Variants in KIF18A observed in about 807,000 individuals in gnomAD.
KIF18A encodes the protein kinesin family member 18A.
A neutral mutation model predicts 103.3 loss-of-function variants in KIF18A; 67 were observed. The ratio of observed to expected loss-of-function variants is 0.65; its 90% CI spans 0.53 to 0.79. The LOEUF is 0.79. Among genes scored for constraint, KIF18A ranks in the 30% least tolerant of loss-of-function variants. The pLI, the probability that KIF18A is intolerant of heterozygous loss-of-function variation, is 0.00. For missense variants in KIF18A, 1,032 were observed against 1,062.5 expected (o/e 0.97, Z 0.40); for synonymous variants, 367 against 355.5 (o/e 1.03, Z -0.36).
chr11:28,064,162 G>A (rs145302785), intron 11 of KIF18A, among the ~76,000 whole-genome samples: 446 of 151,146 alleles, frequency 3.0e-3, no homozygotes, highest in African/African-American at 0.01. Flanking sequence ...ATTAAAGTTA[G>A]GAGTTATTTA....
At chr11:28,025,730 C>T (rs1395507283) in intron 15 of KIF18A, among the ~76,000 whole-genome samples, 1 of 151,842 alleles carries the variant, frequency 6.6e-6, no homozygotes, top group African/African-American at 2.4e-5. Flanking sequence ...AACTGATGAG[C>T]GCAAGTTCAA....
chr11:28,104,770 T>C (rs529805188), intron 1 of KIF18A, among the ~76,000 whole-genome samples: 19 of 152,292 alleles, frequency 1.2e-4, no homozygotes. Flanking sequence ...ACCCAATAAA[T>C]ACTTGTTGAA....
intron 11 of KIF18A, among the ~76,000 whole-genome samples, chr11:28,065,309 C>T (rs1850904152): frequency 6.6e-6 from 1 of 151,916 alleles, no homozygotes; most frequent in African/African-American, 2.4e-5. Context: ...AGATAATTTT[C>T]TCAGCTATTT....
intron 13 of KIF18A, among the ~76,000 whole-genome samples, chr11:28,047,455 T>C (rs1211552249): frequency 1.3e-5 from 2 of 152,152 alleles, no homozygotes; most frequent in African/African-American, 2.4e-5. Flanking sequence ...AAAAGAGTGG[T>C]CCTAACTACT....
chr11:28,092,204 T>C (rs1289025547), intron 3 of KIF18A, among the ~76,000 whole-genome samples: 1 of 152,100 alleles, frequency 6.6e-6, no homozygotes. Flanking sequence ...TGGTTCTTAC[T>C]GTGGAAGATA....
intron 13 of KIF18A, among the ~76,000 whole-genome samples, chr11:28,043,077 A>T (rs1250854866): frequency 6.6e-6 from 1 of 151,946 alleles, no homozygotes; most frequent in Non-Finnish European, 1.5e-5. Flanking sequence ...AATGAGTGAG[A>T]CACAGCTATG....
At chr11:28,052,831 C>T (rs764648956) in intron 13 of KIF18A, among the ~76,000 whole-genome samples, 19 of 151,948 alleles carry the variant, frequency 1.3e-4, no homozygotes, top group Non-Finnish European at 2.4e-4. Context: ...AAAACCTACA[C>T]TTAAGATCTT....
chr11:28,090,548 A>C, intron 5 of KIF18A, 69 bp downstream of exon 5: 1 of 881,470 alleles, frequency 1.1e-6, no homozygotes, highest in Admixed American at 2.0e-5. Context: ...TATGAAAATG[A>C]TGATTCATGA....
chr11:28,091,547 T>TA (rs751823709), intron 3 of KIF18A, 34 bp from the exon 4 acceptor site: 25,874 of 896,204 alleles, frequency 0.029, 44 homozygotes, highest in South Asian at 0.096. Flanking sequence ...AGCATTGATG[T>TA]AAAAAAAAAA....
chr11:28,106,049 T>G (rs1164678278), intron 1 of KIF18A, among the ~76,000 whole-genome samples: 4 of 152,366 alleles, frequency 2.6e-5, no homozygotes, highest in Admixed American at 2.6e-4. Context: ...GATTCACCCC[T>G]AATTTTATGA....
chr11:28,073,273 G>A (rs373743732), intron 10 of KIF18A, among the ~76,000 whole-genome samples: 2 of 151,948 alleles, frequency 1.3e-5, no homozygotes, highest in Non-Finnish European at 2.9e-5. Context: ...ATTTCTACAC[G>A]TATTGTCCAA....
At chr11:28,083,832 C>T (rs1474318041) in intron 7 of KIF18A, among the ~76,000 whole-genome samples, 1 of 151,966 alleles carries the variant, frequency 6.6e-6, no homozygotes, top group Admixed American at 6.6e-5. Context: ...TCTGTACACC[C>T]ATATAGTATG....
chr11:28,022,835 C>T (rs1850264065), intron 16 of KIF18A, among the ~76,000 whole-genome samples: 1 of 152,148 alleles, frequency 6.6e-6, no homozygotes, highest in South Asian at 2.1e-4. Flanking sequence ...CAGGCATTTA[C>T]CAATATAGTT....
intron 1 of KIF18A, among the ~76,000 whole-genome samples, chr11:28,101,114 G>C (rs1322103398): frequency 6.6e-6 from 1 of 152,026 alleles, no homozygotes; most frequent in East Asian, 1.9e-4. Context: ...CTAGCACTTT[G>C]GGTAGGCCAA....
chr11:28,053,024 C>T (rs1850730640), intron 13 of KIF18A, among the ~76,000 whole-genome samples: 1 of 152,132 alleles, frequency 6.6e-6, no homozygotes. Context: ...ATTGCCATTA[C>T]TTTCAATGAT....
intron 13 of KIF18A, among the ~76,000 whole-genome samples, chr11:28,045,231 C>CTT (rs1850616253): frequency 6.6e-6 from 1 of 151,962 alleles, no homozygotes; most frequent in Admixed American, 6.6e-5. Flanking sequence ...GAAACATCTA[C>CTT]AAATGTATTT....
intron 16 of KIF18A, among the ~76,000 whole-genome samples, chr11:28,022,229 TA>T (rs1168536393): frequency 1.3e-5 from 2 of 152,038 alleles, no homozygotes; most frequent in Non-Finnish European, 2.9e-5. Context: ...TATCTTCAGA[TA>T]ATAAGCATAT....
chr11:28,066,950 T>C (rs182508698), intron 11 of KIF18A, among the ~76,000 whole-genome samples: 1 of 151,882 alleles, frequency 6.6e-6, no homozygotes, highest in Non-Finnish European at 1.5e-5. Context: ...TATCATCCAT[T>C]ATTATTTGTT....
At chr11:28,099,831 G>A (rs1851422826) in intron 1 of KIF18A, among the ~76,000 whole-genome samples, 1 of 152,128 alleles carries the variant, frequency 6.6e-6, no homozygotes, top group Non-Finnish European at 1.5e-5. Context: ...TGTACTCTGA[G>A]TAAGACAAAG....
Sources: gnomAD v4.1 joint callset for allele counts (sites outside exome capture counted in the v4.1 genomes callset) on GRCh38, gnomAD v4.1.1 for gene constraint, MANE v1.5 for transcripts, NCBI Gene and HGNC (gene_info 2026-07-23, HGNC 2026-07-21) for gene names.